Variants in LHFPL3 observed in about 807,000 individuals in gnomAD.
LHFPL3 encodes LHFPL tetraspan subfamily member 3 protein.
Under a neutral mutation model 19.3 loss-of-function variants are expected in LHFPL3, and 5 were observed. The observed-to-expected ratio is 0.26, with a 90% CI of 0.14 to 0.54. The LOEUF (loss-of-function observed/expected upper bound fraction) is 0.54, where lower values mean the gene tolerates loss of function less well. LHFPL3 is among the 20% of genes least tolerant of loss of function. The pLI, the probability that LHFPL3 is intolerant of heterozygous loss-of-function variation, is 0.94. For synonymous variants in LHFPL3, 133 were observed against 126.2 expected, an observed-to-expected ratio of 1.05 and a Z score of -0.36; for missense variants, 249 against 307.4, an observed-to-expected ratio of 0.81 and a Z score of 1.42.
intron 2 of LHFPL3, among the ~76,000 whole-genome samples, chr7:104,772,496 C>G (rs548721718): frequency 5.3e-5 from 8 of 152,274 alleles, no homozygotes; most frequent in African/African-American, 1.9e-4. Context: ...ACAAGGACAC[C>G]GGATCCTACA....
At chr7:104,888,114 T>A (rs886427039) in intron 2 of LHFPL3, among the ~76,000 whole-genome samples, 1 of 152,248 alleles carries the variant, frequency 6.6e-6, no homozygotes, top group African/African-American at 2.4e-5. Flanking sequence ...CATGTACACA[T>A]ACATACATGC....
chr7:104,560,628 C>G (rs899467264), intron 1 of LHFPL3, among the ~76,000 whole-genome samples: 2 of 141,212 alleles, frequency 1.4e-5, no homozygotes, highest in African/African-American at 2.9e-5. Flanking sequence ...TTTCAGAAAA[C>G]CAGCTCTTGG....
At chr7:104,581,794 G>C (rs975335122) in intron 1 of LHFPL3, among the ~76,000 whole-genome samples, 1 of 151,822 alleles carries the variant, frequency 6.6e-6, no homozygotes, top group Non-Finnish European at 1.5e-5. Flanking sequence ...AAATAACCAC[G>C]TACATGTGGG....
In LHFPL3 at chr7:104,898,006, CT is replaced by C. The variant is rs71155536; in HGVS notation, c.683-8160del. 4.6e-3 allele frequency among the ~76,000 whole-genome samples: 442 copies of C among 96,794 alleles called. 3 individuals carry two copies. The highest frequency in any genetic ancestry group is 0.023 in the Middle Eastern group (3 of 132). 63.5% of individuals were successfully genotyped at this position (96,794 alleles called of 152,430 possible). The stretch of plus-strand genomic sequence containing the variant: ...CTGCTGACAGAAAGAAATGTCACCC[CT>C]TTTTTTTTTTTTTTTTTTTTGATAC... On this transcript the variant is annotated intron_variant, in intron 2 of 2. Transcript: ENST00000424859.
intron 2 of LHFPL3, among the ~76,000 whole-genome samples, chr7:104,751,704 C>T (rs1319656497): frequency 6.6e-6 from 1 of 151,936 alleles, no homozygotes; most frequent in Non-Finnish European, 1.5e-5. Context: ...GAGTTGGGTC[C>T]ATACTGTTTT....
chr7:104,630,138 C>G lies in LHFPL3; in HGVS notation c.446-106537C>G, dbSNP rs567440893. On this transcript the variant is annotated intron_variant, in intron 1 of 2. Transcript: ENST00000424859. ...TTTTGAGGAGTTTGTGACTTAATGG[C>G]AGGGAGGAGTCTCAACAGTCTTATT... Among the ~76,000 whole-genome samples, 16 of 152,210 alleles carry G rather than the reference C, an allele frequency of 1.1e-4. No individual in the cohort carries two copies. In the East Asian group the frequency reaches 3.1e-3, roughly 29 times the overall value.
At chr7:104,582,004 A>T (rs1790470935) in intron 1 of LHFPL3, among the ~76,000 whole-genome samples, 2 of 152,062 alleles carry the variant, frequency 1.3e-5, no homozygotes, top group Admixed American at 1.3e-4. Context: ...GTTCATTTTT[A>T]TCAGAAAGCC....
chr7:104,470,650 C>T (rs1792889515), intron 1 of LHFPL3, among the ~76,000 whole-genome samples: 1 of 152,050 alleles, frequency 6.6e-6, no homozygotes, highest in Non-Finnish European at 1.5e-5. Context: ...AACAGAGGGG[C>T]AAATAGGGTA....
chr7:104,370,522 G>T (rs929495451), intron 1 of LHFPL3, among the ~76,000 whole-genome samples: 1 of 152,176 alleles, frequency 6.6e-6, no homozygotes, highest in Non-Finnish European at 1.5e-5. Context: ...GGAGGGGTGG[G>T]TTTGAAGCTA....
intron 1 of LHFPL3, among the ~76,000 whole-genome samples, chr7:104,336,543 GATAA>G (rs754616962): frequency 2.6e-5 from 4 of 151,592 alleles, no homozygotes; most frequent in Middle Eastern, 3.5e-3. Context: ...GCAAGGGGAA[GATAA>G]ATAGTTTTTC....
chr7:104,791,808 C>T (rs78335446), intron 2 of LHFPL3, among the ~76,000 whole-genome samples: 1 of 152,110 alleles, frequency 6.6e-6, no homozygotes, highest in East Asian at 1.9e-4. Flanking sequence ...TCTTAGATTC[C>T]AAGATGACTA....
chr7:104,523,308 A>G (rs1250061175), intron 1 of LHFPL3, among the ~76,000 whole-genome samples: 2 of 152,118 alleles, frequency 1.3e-5, no homozygotes, highest in East Asian at 1.9e-4. Context: ...TTGTCTGTGG[A>G]CTATATAAAA....
intron 1 of LHFPL3, among the ~76,000 whole-genome samples, chr7:104,722,277 C>A (rs1385119219): frequency 2.0e-5 from 3 of 152,140 alleles, no homozygotes; most frequent in Admixed American, 6.5e-5. Context: ...ATATACAGAT[C>A]CTTTTAGTTG....
rs1206581517 is a variant in LHFPL3 at position 104,540,557 on chromosome 7, A to G, written c.446-196118A>G. ...AGAAAGTTAATTTCGATATAATAAA[A>G]TAACAGGGAACTGCTATGCTTTCTG... On this transcript the variant is annotated intron_variant, in intron 1 of 2. Coordinates refer to ENST00000424859, the MANE Select transcript of LHFPL3 (RefSeq NM_199000.3). Among the ~76,000 whole-genome samples, 3 of 152,338 alleles carry G rather than the reference A, an allele frequency of 2.0e-5. No homozygotes were observed. In the East Asian group the frequency reaches 5.8e-4, roughly 29 times the overall value.
intron 1 of LHFPL3, among the ~76,000 whole-genome samples, chr7:104,568,204 A>G (rs905239780): frequency 4.6e-5 from 7 of 152,218 alleles, no homozygotes; most frequent in South Asian, 4.1e-4. Context: ...TTCAGACTCT[A>G]TAAAGAGCTA....
chr7:104,489,746 G>A (rs1344111726), intron 1 of LHFPL3, among the ~76,000 whole-genome samples: 2 of 151,966 alleles, frequency 1.3e-5, no homozygotes, highest in Admixed American at 6.6e-5. Flanking sequence ...GTACATGGAT[G>A]ATATCCATAA....
rs192916868 is a variant in LHFPL3, at chr7:104,651,983, G to T, written c.446-84692G>T. Among the ~76,000 whole-genome samples, 229 of 152,298 alleles carry T rather than the reference G, an allele frequency of 1.5e-3. 1 individual carries two copies. The highest frequency in any genetic ancestry group is 2.5e-3 in the Non-Finnish European group (169 of 68,028). ...GATAAATGTTAGTAACCTTATCTAC[G>T]TCCCCCATATGATCCACAGGCTTTT... On this transcript the variant is annotated intron_variant, in intron 1 of 2. Transcript: ENST00000424859.
chr7:104,563,335 C>T (rs1484851354), intron 1 of LHFPL3, among the ~76,000 whole-genome samples: 11 of 152,294 alleles, frequency 7.2e-5, no homozygotes, highest in African/African-American at 2.2e-4. Flanking sequence ...ATCAGCGAGA[C>T]TCCGTGGGCG....
At chr7:104,393,340 A>C (rs1791116641) in intron 1 of LHFPL3, among the ~76,000 whole-genome samples, 1 of 152,180 alleles carries the variant, frequency 6.6e-6, no homozygotes, top group Non-Finnish European at 1.5e-5. Context: ...AAATGAAAAC[A>C]TATCACACAA....
Sources: allele counts gnomAD v4.1 joint callset (sites outside exome capture counted in the v4.1 genomes callset), GRCh38; gene constraint gnomAD v4.1.1; transcripts MANE v1.5; gene names NCBI Gene and HGNC (gene_info 2026-07-23, HGNC 2026-07-21).